KATNAL2: variants seen among roughly 807,000 people sequenced by gnomAD.
KATNAL2 encodes katanin catalytic subunit A1 like 2, also known as katanin p60 ATPase-containing subunit A-like 2.
KATNAL2 carries 52 observed loss-of-function variants against 76.3 expected under a neutral mutation model. That is an observed-to-expected ratio of 0.68 (90% CI 0.55 to 0.86). KATNAL2 has a LOEUF of 0.86. KATNAL2 is among the 40% of genes least tolerant of loss of function. The pLI is 0.00. For synonymous variants in KATNAL2, 243 were observed against 244.2 expected (o/e 1.00, Z 0.05); for missense variants, 660 against 668.9 (o/e 0.99, Z 0.15).
At chr18:47,089,913 A>G (rs1422779707) in intron 15 of KATNAL2, among the ~76,000 whole-genome samples, 1 of 151,312 alleles carries the variant, frequency 6.6e-6, no homozygotes, top group Non-Finnish European at 1.5e-5. Flanking sequence ...ATTTCTTTTA[A>G]AAAAAAAATC....
intron 1 of KATNAL2, among the ~76,000 whole-genome samples, chr18:46,945,653 T>G (rs966745105): frequency 6.6e-6 from 1 of 152,216 alleles, no homozygotes; most frequent in Non-Finnish European, 1.5e-5. Flanking sequence ...AATTTGGCTT[T>G]TTGGGCCTGT....
At position 46,927,780 on chromosome 18, in the gene KATNAL2, G is replaced by A. The variant is rs963366749; in HGVS notation, c.-510+9854G>A. Reference sequence around the variant, plus strand: ...CCTATATTTCTTGGAGGCTTTGTTCGTTTCTTTTTATTCTTTTTTCTCTAC... The same window carrying A: ...CCTATATTTCTTGGAGGCTTTGTTCATTTCTTTTTATTCTTTTTTCTCTAC... On this transcript the variant is annotated intron_variant, in intron 1 of 17. Transcript: ENST00000683218. 2.8e-4 allele frequency among the ~76,000 whole-genome samples: 43 copies of A among 152,178 alleles called. No individual in the cohort carries two copies. The South Asian group carries it at 3.7e-3, about 13-fold the overall frequency.
At chr18:47,089,115 T>C (rs1036277423) in intron 15 of KATNAL2, among the ~76,000 whole-genome samples, 1 of 152,194 alleles carries the variant, frequency 6.6e-6, no homozygotes, top group Non-Finnish European at 1.5e-5. Flanking sequence ...TTCTACATGT[T>C]GCCTTTAAAA....
chr18:46,965,772 C>T (rs1174876120), intron 3 of KATNAL2, among the ~76,000 whole-genome samples: 2 of 138,934 alleles, frequency 1.4e-5, no homozygotes, highest in African/African-American at 5.1e-5. Context: ...TTGCTCCCAC[C>T]GGTTGTTTAA....
rs541178099 is a variant in KATNAL2, at chr18:47,096,529, G to A, written c.1212-2714G>A. 4.6e-5 allele frequency among the ~76,000 whole-genome samples: 7 copies of A among 152,062 alleles called. No homozygotes were observed. The South Asian group carries it at 8.3e-4, about 18-fold the overall frequency. On this transcript the variant is annotated intron_variant, in intron 15 of 17. Coordinates refer to ENST00000683218, the MANE Select transcript of KATNAL2 (RefSeq NM_001387690.1). ...GCTAATTTTTATATTGTGCAGAGAC[G>A]GGGTCTCACTATGTTGCCCAGCATA...
At position 46,950,315 on chromosome 18, in the gene KATNAL2, A is replaced by G. The variant is rs138305641; in HGVS notation, c.51+3392A>G. On this transcript the variant is annotated intron_variant, in intron 3 of 17. Transcript: ENST00000683218. Reference sequence around the variant, plus strand: ...TTTGATCTCTTGGGGTCTATGTGCAAGGAATTGTGCTGAGTAGGGGTCTGG... The same window carrying G: ...TTTGATCTCTTGGGGTCTATGTGCAGGGAATTGTGCTGAGTAGGGGTCTGG... Among the ~76,000 whole-genome samples, 27 of 152,278 alleles carry G rather than the reference A, an allele frequency of 1.8e-4. No homozygotes were observed. In the East Asian group the frequency reaches 5.0e-3, roughly 28 times the overall value.
intron 3 of KATNAL2, chr18:47,034,602 C>A: frequency 6.2e-7 from 1 of 1,614,186 alleles, no homozygotes; most frequent in South Asian, 1.1e-5. Context: ...TGCTGTGGCT[C>A]ACAACGGCTT....
chr18:47,039,443 T>C (rs1447250010), intron 3 of KATNAL2, among the ~76,000 whole-genome samples: 1 of 152,202 alleles, frequency 6.6e-6, no homozygotes, highest in Non-Finnish European at 1.5e-5. Context: ...TCCCTGCTTT[T>C]AAATGTTTCT....
At chr18:47,066,982 A>G (rs752732858) in intron 10 of KATNAL2, 39 bp from the exon 11 acceptor site, 1 of 1,222,596 alleles carries the variant, frequency 8.2e-7, no homozygotes, top group South Asian at 1.4e-5. Flanking sequence ...TGTAGAGGAA[A>G]ACATCAGTTT....
At chr18:47,096,056 G>T (rs1361672468) in intron 15 of KATNAL2, among the ~76,000 whole-genome samples, 1 of 152,176 alleles carries the variant, frequency 6.6e-6, no homozygotes, top group East Asian at 1.9e-4. Flanking sequence ...AAAAGAAATA[G>T]GTCATTGTTA....
At chr18:46,943,705 C>T (rs1270670333) in intron 1 of KATNAL2, among the ~76,000 whole-genome samples, 1 of 152,216 alleles carries the variant, frequency 6.6e-6, no homozygotes, top group Non-Finnish European at 1.5e-5. Context: ...AATAAACTTG[C>T]TTTCACTTTA....
chr18:46,959,319 A>G (rs2059861651), intron 3 of KATNAL2, among the ~76,000 whole-genome samples: 1 of 152,184 alleles, frequency 6.6e-6, no homozygotes, highest in Non-Finnish European at 1.5e-5. Flanking sequence ...AATTCTGACC[A>G]CTGCTACAGC....
intron 15 of KATNAL2, among the ~76,000 whole-genome samples, chr18:47,085,789 A>T (rs2062744921): frequency 6.6e-6 from 1 of 152,172 alleles, no homozygotes; most frequent in African/African-American, 2.4e-5. Context: ...ATTGCAAATA[A>T]ATAAATAAAT....
intron 15 of KATNAL2, among the ~76,000 whole-genome samples, chr18:47,095,778 C>G (rs1457012563): frequency 6.6e-6 from 1 of 152,224 alleles, no homozygotes; most frequent in African/African-American, 2.4e-5. Context: ...GGAACAGCAT[C>G]ATTCTTGCTG....
intron 3 of KATNAL2, among the ~76,000 whole-genome samples, chr18:47,031,511 G>T (rs1180776314): frequency 1.3e-5 from 2 of 152,026 alleles, no homozygotes; most frequent in African/African-American, 4.8e-5. Flanking sequence ...ATGGGGATTC[G>T]GGTGTTAAGC....
intron 4 of KATNAL2, among the ~76,000 whole-genome samples, chr18:47,052,153 G>A (rs753054994): frequency 1.3e-4 from 20 of 152,218 alleles, no homozygotes; most frequent in Non-Finnish European, 2.6e-4. Flanking sequence ...TCTTCTTTCA[G>A]AGGATTTTGA....
chr18:46,948,467 C>T (rs1015798901), intron 3 of KATNAL2, among the ~76,000 whole-genome samples: 4 of 150,278 alleles, frequency 2.7e-5, no homozygotes, highest in African/African-American at 7.4e-5. Flanking sequence ...TCTTGTTGCC[C>T]GGGCTGGAGT....
chr18:47,068,878 A>G (rs1343484718), intron 11 of KATNAL2, among the ~76,000 whole-genome samples: 1 of 152,206 alleles, frequency 6.6e-6, no homozygotes, highest in Non-Finnish European at 1.5e-5. Context: ...AAGATTGCCA[A>G]ATGCTCTCCG....
intron 1 of KATNAL2, among the ~76,000 whole-genome samples, chr18:46,930,517 T>C (rs1025696456): frequency 6.6e-6 from 1 of 152,064 alleles, no homozygotes; most frequent in Non-Finnish European, 1.5e-5. Flanking sequence ...TGAATGAAGT[T>C]AGAAAAAAGA....
Sources: allele counts gnomAD v4.1 joint callset (sites outside exome capture counted in the v4.1 genomes callset), GRCh38; gene constraint gnomAD v4.1.1; transcripts MANE v1.5; gene names NCBI Gene and HGNC (gene_info 2026-07-23, HGNC 2026-07-21).